Variants in EPHB1 observed in about 807,000 individuals in gnomAD.
EPHB1 encodes the protein EPH receptor B1.
EPHB1 carries 30 observed loss-of-function variants against 94.4 expected under a neutral mutation model. The ratio of observed to expected loss-of-function variants is 0.32; its 90% CI spans 0.24 to 0.43. The LOEUF is 0.43. Among genes scored for constraint, EPHB1 ranks in the 20% least tolerant of loss-of-function variants. The pLI is 1.00. For missense variants in EPHB1, 1,055 were observed against 1,308.3 expected, an observed-to-expected ratio of 0.81 and a Z score of 2.99; for synonymous variants, 522 against 489.1, an observed-to-expected ratio of 1.07 and a Z score of -0.89.
intron 9 of EPHB1, among the ~76,000 whole-genome samples, chr3:135,173,223 A>G (rs1341207242): frequency 2.0e-5 from 3 of 151,238 alleles, no homozygotes; most frequent in South Asian, 4.2e-4. Context: ...TTTAGTAGAG[A>G]CGGGGTTTCA....
chr3:135,061,518 T>C (rs1937509874), intron 3 of EPHB1, among the ~76,000 whole-genome samples: 1 of 152,206 alleles, frequency 6.6e-6, no homozygotes, highest in Admixed American at 6.5e-5. Context: ...TCCAGTCTCA[T>C]CTAGGTCACT....
intron 1 of EPHB1, chr3:134,824,022 G>A (rs968759538): frequency 6.6e-6 from 1 of 151,958 alleles, no homozygotes; most frequent in African/African-American, 2.4e-5. Flanking sequence ...CAAATACATG[G>A]GTTTTATGAA....
chr3:134,825,710 G>A (rs1488673306), intron 1 of EPHB1, among the ~76,000 whole-genome samples: 2 of 152,162 alleles, frequency 1.3e-5, no homozygotes, highest in African/African-American at 2.4e-5. Context: ...AACCCATGTT[G>A]CCTCCAGGAG....
intron 3 of EPHB1, among the ~76,000 whole-genome samples, chr3:135,074,127 T>C (rs1937822626): frequency 6.6e-6 from 1 of 152,228 alleles, no homozygotes; most frequent in Non-Finnish European, 1.5e-5. Context: ...AACTGAAATA[T>C]TTTATAAGAA....
chr3:135,066,682 T>C (rs1937584639), intron 3 of EPHB1, among the ~76,000 whole-genome samples: 1 of 152,232 alleles, frequency 6.6e-6, no homozygotes, highest in Non-Finnish European at 1.5e-5. Flanking sequence ...ACTAACCTCC[T>C]GAATTCTTTT....
intron 3 of EPHB1, among the ~76,000 whole-genome samples, chr3:135,050,618 G>A (rs1937141174): frequency 6.6e-6 from 1 of 152,172 alleles, no homozygotes; most frequent in Admixed American, 6.5e-5. Flanking sequence ...CAATGTTGGA[G>A]GTGGGCCTAA....
intron 3 of EPHB1, among the ~76,000 whole-genome samples, chr3:134,986,330 G>A (rs1340394683): frequency 1.3e-5 from 2 of 152,194 alleles, no homozygotes; most frequent in African/African-American, 2.4e-5. Flanking sequence ...TCTCTGAGAT[G>A]GTTCCTTTTA....
chr3:134,916,894 G>A (rs1211333959), intron 1 of EPHB1, among the ~76,000 whole-genome samples: 2 of 152,244 alleles, frequency 1.3e-5, no homozygotes, highest in Non-Finnish European at 2.9e-5. Context: ...AGCAAGGGCT[G>A]CGAGGGCTGC....
intron 4 of EPHB1, among the ~76,000 whole-genome samples, chr3:135,127,832 A>G (rs2107685372): frequency 6.6e-6 from 1 of 152,276 alleles, no homozygotes; most frequent in East Asian, 1.9e-4. Flanking sequence ...GATCCTGTTT[A>G]ACTCCAGTGA....
At chr3:135,093,273 G>A (rs1172442177) in intron 3 of EPHB1, among the ~76,000 whole-genome samples, 1 of 152,078 alleles carries the variant, frequency 6.6e-6, no homozygotes, top group African/African-American at 2.4e-5. Flanking sequence ...GACTTGACTG[G>A]GGTCCTTCTG....
chr3:135,015,328 C>T (rs1935760725), intron 3 of EPHB1, among the ~76,000 whole-genome samples: 1 of 151,878 alleles, frequency 6.6e-6, no homozygotes, highest in Admixed American at 6.6e-5. Flanking sequence ...GCAACCTCTA[C>T]CTCCTGGGTT....
chr3:134,883,305 C>T (rs1377817809), intron 1 of EPHB1, among the ~76,000 whole-genome samples: 3 of 152,152 alleles, frequency 2.0e-5, no homozygotes, highest in Non-Finnish European at 4.4e-5. Flanking sequence ...ACAAAAGATC[C>T]ACAGGCAGAC....
chr3:135,021,284 A>G (rs920362007), intron 3 of EPHB1, among the ~76,000 whole-genome samples: 2 of 152,208 alleles, frequency 1.3e-5, no homozygotes, highest in Non-Finnish European at 1.5e-5. Context: ...TAAATAATAC[A>G]TTAATTTGGG....
chr3:134,898,076 G>A (rs948919206), intron 1 of EPHB1, among the ~76,000 whole-genome samples: 2 of 152,126 alleles, frequency 1.3e-5, no homozygotes, highest in South Asian at 2.1e-4. Flanking sequence ...CATCGATTCC[G>A]GAGTCTGTGG....
chr3:134,858,639 C>T (rs7645886), intron 1 of EPHB1, among the ~76,000 whole-genome samples: 83,257 of 152,122 alleles, frequency 0.55, 25,605 homozygotes, highest in East Asian at 0.8. Context: ...TGCAGGAAAG[C>T]GTCTCTGCTC....
rs114931686 is a variant in EPHB1, at chr3:134,872,285, C to T, written c.59-53531C>T. On this transcript the variant is annotated intron_variant, in intron 1 of 15. Transcript: ENST00000398015. ...GATATCTCATAGAGCACAGCCTCAG[C>T]GTGGTTAACCCGGACTCTTGTAAGC... 5.3e-3 allele frequency among the ~76,000 whole-genome samples: 804 copies of T among 152,320 alleles called. 4 individuals carry two copies. Among genetic ancestry groups the T allele is most frequent in the Non-Finnish European group, 8.8e-3 (602 of 68,032 alleles).
rs1933589167 is a variant in EPHB1 at position 135,260,335 on chromosome 3, T to A, written c.*1215T>A. The A allele has an allele frequency of 4.3e-6, 1 of 232,276 alleles. No individual in the cohort carries two copies. The allele number at this position is 232,276 out of a possible 1,614,324, so 14.4% of individuals were successfully genotyped here. A position where few individuals can be genotyped will look rare whatever the true frequency, so the allele number is the denominator to read the frequency against. ...TTCTCTTTACATTCCTTGTTGTACC[T>A]CATTGTTCAATTCACTTTTGTAAAT... On this transcript the variant is annotated 3_prime_UTR_variant, in exon 16 of 16. Transcript: ENST00000398015.
intron 4 of EPHB1, among the ~76,000 whole-genome samples, chr3:135,114,371 A>C (rs1288696783): frequency 6.6e-6 from 1 of 151,672 alleles, no homozygotes; most frequent in East Asian, 1.9e-4. Flanking sequence ...ATAATATTGG[A>C]ATCTGCCTCA....
intron 1 of EPHB1, among the ~76,000 whole-genome samples, chr3:134,913,604 T>A (rs550952261): frequency 6.6e-6 from 1 of 152,326 alleles, no homozygotes; most frequent in Non-Finnish European, 1.5e-5. Flanking sequence ...AAACACTCTA[T>A]GGCCGGGGCC....
Sources: allele counts gnomAD v4.1 joint callset (sites outside exome capture counted in the v4.1 genomes callset), GRCh38; gene constraint gnomAD v4.1.1; transcripts MANE v1.5; gene names NCBI Gene and HGNC (gene_info 2026-07-23, HGNC 2026-07-21).